The following SLC24A2 variants were observed in gnomAD, a reference collection of about 807,000 sequenced individuals.
The protein encoded by SLC24A2 is sodium/potassium/calcium exchanger 2.
Under a neutral mutation model 62.0 loss-of-function variants are expected in SLC24A2, and 36 were observed. The ratio of observed to expected loss-of-function variants is 0.58; its 90% confidence interval spans 0.44 to 0.77. SLC24A2 has a LOEUF of 0.77. Among genes scored for constraint, SLC24A2 ranks in the 30% least tolerant of loss-of-function variants. The pLI, the probability that SLC24A2 is intolerant of heterozygous loss-of-function variation, is 0.00. For missense variants in SLC24A2, 846 were observed against 817.9 expected (o/e 1.03, Z -0.42); for synonymous variants, 358 against 294.0 (o/e 1.22, Z -2.23).
intron 7 of SLC24A2, among the ~76,000 whole-genome samples, chr9:19,560,995 G>A (rs981596452): frequency 1.3e-5 from 2 of 151,456 alleles, no homozygotes; most frequent in African/African-American, 4.9e-5. Flanking sequence ...GCATGATCTT[G>A]GCTCACTGCA....
chr9:19,754,877 T>C (rs139244212), intron 2 of SLC24A2, among the ~76,000 whole-genome samples: 2 of 152,240 alleles, frequency 1.3e-5, no homozygotes, highest in Non-Finnish European at 2.9e-5. Flanking sequence ...GTCCGAGACA[T>C]AGCACACTGA....
chr9:19,600,726 T>C (rs991061540), intron 4 of SLC24A2, among the ~76,000 whole-genome samples: 3 of 152,150 alleles, frequency 2.0e-5, no homozygotes, highest in Non-Finnish European at 4.4e-5. Context: ...TTCTGTCTTG[T>C]GAGGAGCTGA....
the SLC24A2 span, among the ~76,000 whole-genome samples, chr9:20,233,932 A>T: frequency 2.0e-5 from 3 of 152,124 alleles, no homozygotes; most frequent in African/African-American, 4.8e-5. Flanking sequence ...GTGGTGACAA[A>T]ATCTCTCAGC....
At chr9:19,899,146 C>T in the SLC24A2 span, among the ~76,000 whole-genome samples, 1 of 152,184 alleles carries the variant, frequency 6.6e-6, no homozygotes, top group African/African-American at 2.4e-5. Flanking sequence ...CTGCTGTCTT[C>T]TAAGTCAAAG....
intron 2 of SLC24A2, among the ~76,000 whole-genome samples, chr9:19,688,038 G>A (rs1035035041): frequency 3.3e-5 from 5 of 151,974 alleles, no homozygotes; most frequent in South Asian, 2.1e-4. Context: ...GTATGCTTTC[G>A]AAAAGCTCTG....
chr9:20,305,167 G>A, the SLC24A2 span, among the ~76,000 whole-genome samples: 1 of 149,434 alleles, frequency 6.7e-6, no homozygotes, highest in Non-Finnish European at 1.5e-5. Context: ...GGAGTGCAGT[G>A]GCACAATCTC....
chr9:19,900,266 C>T, the SLC24A2 span, among the ~76,000 whole-genome samples: 4 of 152,170 alleles, frequency 2.6e-5, no homozygotes, highest in Non-Finnish European at 5.9e-5. Flanking sequence ...CACTTTTTAC[C>T]CAAGAACAAG....
At chr9:19,993,143 A>G in the SLC24A2 span, among the ~76,000 whole-genome samples, 2 of 152,234 alleles carry the variant, frequency 1.3e-5, 1 homozygote, top group African/African-American at 4.8e-5. Context: ...AGAAAGATGA[A>G]TGCAGTTGCC....
chr9:20,301,343 G>A, the SLC24A2 span, among the ~76,000 whole-genome samples: 4 of 151,982 alleles, frequency 2.6e-5, no homozygotes, highest in South Asian at 8.4e-4. Context: ...TATAAAAATG[G>A]TATAGGTTCA....
chr9:20,195,084 A>G, the SLC24A2 span, among the ~76,000 whole-genome samples: 5 of 152,104 alleles, frequency 3.3e-5, no homozygotes, highest in African/African-American at 7.2e-5. Context: ...GCTCATGTTG[A>G]TAAGATTTGT....
At chr9:20,134,628 A>G in the SLC24A2 span, among the ~76,000 whole-genome samples, 1 of 152,208 alleles carries the variant, frequency 6.6e-6, no homozygotes, top group East Asian at 1.9e-4. Flanking sequence ...CAAGAGAAAG[A>G]GGAAAATTTT....
At chr9:20,211,468 C>T in the SLC24A2 span, among the ~76,000 whole-genome samples, 9 of 152,146 alleles carry the variant, frequency 5.9e-5, no homozygotes, top group Middle Eastern at 6.3e-3. Context: ...GCTGAGATCA[C>T]ACCATTGCAC....
chr9:19,530,623 A>T (rs1451226654), intron 8 of SLC24A2, among the ~76,000 whole-genome samples: 2 of 152,226 alleles, frequency 1.3e-5, no homozygotes, highest in Non-Finnish European at 2.9e-5. Flanking sequence ...AAAGCAAGGT[A>T]TCAGAAAAGG....
At position 19,513,176 on chromosome 9, in the gene SLC24A2, G is replaced by GTATATATATATATATATA. The variant is rs60849714; in HGVS notation, c.*2976_*2977insTATATATATATATATATA. 1 of 66,972 alleles carries GTATATATATATATATATA rather than the reference G, an allele frequency of 1.5e-5. No homozygotes were observed. Among genetic ancestry groups the GTATATATATATATATATA allele is most frequent in the South Asian group, 4.9e-4 (1 of 2,024 alleles). The allele number at this position is 66,972 out of a possible 1,614,324, so 4.1% of individuals were successfully genotyped here. A position where few individuals can be genotyped will look rare whatever the true frequency, so the allele number is the denominator to read the frequency against. On this transcript the variant is annotated 3_prime_UTR_variant, in exon 11 of 11. Transcript: ENST00000341998. ...AAGATATATATATATATATATATAT[G>GTATATATATATATATATA]TATATATATATATATGTATATATTT... is the stretch of plus-strand genomic sequence containing the variant.
chr9:19,593,296 A>T (rs1035671039), intron 5 of SLC24A2, among the ~76,000 whole-genome samples: 9 of 152,300 alleles, frequency 5.9e-5, no homozygotes, highest in African/African-American at 1.9e-4. Flanking sequence ...TCTGCCCCCA[A>T]TCCAGCACCT....
intron 2 of SLC24A2, among the ~76,000 whole-genome samples, chr9:19,656,440 C>T (rs1480773232): frequency 6.6e-6 from 1 of 152,130 alleles, no homozygotes; most frequent in East Asian, 1.9e-4. Context: ...CAGTCTAAAA[C>T]CCTTTATTCT....
intron 2 of SLC24A2, among the ~76,000 whole-genome samples, chr9:19,708,637 C>G (rs1007147318): frequency 3.2e-4 from 49 of 152,218 alleles, no homozygotes; most frequent in African/African-American, 1.1e-3. Flanking sequence ...ACAAACCTGA[C>G]AAAAACAAGC....
the SLC24A2 span, among the ~76,000 whole-genome samples, chr9:19,971,736 A>T: frequency 1.3e-5 from 2 of 152,140 alleles, no homozygotes; most frequent in African/African-American, 4.8e-5. Flanking sequence ...TGAAGGACCC[A>T]CGAGGTTCCA....
chr9:20,280,349 G>C, the SLC24A2 span, among the ~76,000 whole-genome samples: 4 of 152,086 alleles, frequency 2.6e-5, no homozygotes, highest in African/African-American at 9.7e-5. Context: ...GTGAGGAGAT[G>C]GGTATATAAC....
Sources: gnomAD v4.1 joint callset for allele counts (sites outside exome capture counted in the v4.1 genomes callset) on GRCh38, gnomAD v4.1.1 for gene constraint, MANE v1.5 for transcripts, NCBI Gene and HGNC (gene_info 2026-07-23, HGNC 2026-07-21) for gene names.